The following OPRM1 variants were observed in gnomAD, a reference collection of about 807,000 sequenced individuals.
OPRM1 encodes the protein mu-type opioid receptor.
Under a neutral mutation model 31.8 loss-of-function variants are expected in OPRM1, and 27 were observed. That is an observed-to-expected ratio of 0.85 (90% CI 0.63 to 1.17). The LOEUF (loss-of-function observed/expected upper bound fraction) is 1.17. OPRM1 is among the 50% of genes most tolerant of loss of function. The pLI, the probability that OPRM1 is intolerant of heterozygous loss-of-function variation, is 0.00. For missense variants in OPRM1, 536 were observed against 511.1 expected, an observed-to-expected ratio of 1.05 and a Z score of -0.47; for synonymous variants, 196 against 189.9, an observed-to-expected ratio of 1.03 and a Z score of -0.26.
intron 1 of OPRM1, chr6:154,083,407 A>G (rs2128471334): frequency 6.6e-6 from 1 of 152,372 alleles, no homozygotes; most frequent in South Asian, 2.1e-4. Context: ...ATGGGGATAC[A>G]CAGATTTTCC....
At chr6:154,223,903 A>G (rs1257795701) in intron 3 of OPRM1, among the ~76,000 whole-genome samples, 3 of 152,270 alleles carry the variant, frequency 2.0e-5, no homozygotes, top group African/African-American at 4.8e-5. Flanking sequence ...AAAAGACTGC[A>G]TAAGAAAATT....
At chr6:154,214,950 AG>A (rs1156513048) in intron 3 of OPRM1, among the ~76,000 whole-genome samples, 1 of 152,224 alleles carries the variant, frequency 6.6e-6, no homozygotes, top group Non-Finnish European at 1.5e-5. Flanking sequence ...TTCCTTCTCA[AG>A]GGTTTACTTA....
intron 1 of OPRM1, among the ~76,000 whole-genome samples, chr6:154,074,650 C>T (rs574849979): frequency 4.6e-5 from 7 of 152,172 alleles, no homozygotes; most frequent in African/African-American, 1.7e-4. Context: ...GTCCCAGCTA[C>T]TTGGGAGGCT....
chr6:154,133,411 A>C (rs911421447), downstream of OPRM1, among the ~76,000 whole-genome samples: 2 of 152,266 alleles, frequency 1.3e-5, no homozygotes, highest in African/African-American at 4.8e-5. Context: ...TGAACATGTC[A>C]CAATTTATTC....
chr6:154,059,151 T>C (rs1359720457), intron 1 of OPRM1, among the ~76,000 whole-genome samples: 1 of 152,188 alleles, frequency 6.6e-6, no homozygotes, highest in African/African-American at 2.4e-5. Context: ...AGGCTCTACC[T>C]TGTGGAAATC....
At chr6:154,213,909 C>T (rs1183128758) in intron 3 of OPRM1, among the ~76,000 whole-genome samples, 2 of 152,164 alleles carry the variant, frequency 1.3e-5, no homozygotes, top group Non-Finnish European at 2.9e-5. Context: ...TCATGTCTAT[C>T]AGTAAGAATT....
chr6:154,022,521 G>T (rs938059507), intron 1 of OPRM1, among the ~76,000 whole-genome samples: 1 of 135,948 alleles, frequency 7.4e-6, no homozygotes, highest in Non-Finnish European at 1.5e-5. Context: ...TCAGTTTGTT[G>T]ATTGTTTATT....
In OPRM1 at chr6:154,227,070, C is replaced by T. The variant is rs140261160; in HGVS notation, c.1165-19623C>T. Among the ~76,000 whole-genome samples the T allele has an allele frequency of 6.9e-3, 1,043 of 152,026 alleles. 11 individuals are homozygous for T. The highest frequency in any genetic ancestry group is 0.024 in the Middle Eastern group (7 of 292). On this transcript the variant is annotated intron_variant, in intron 3 of 3. Coordinates refer to the OPRM1 transcript ENST00000337049. The stretch of plus-strand genomic sequence containing the variant: ...AAAATTAGCCAGGTGTGGTGGCGGA[C>T]GCCTGTAATCCCAGCTACTTGGGAG...
intron 3 of OPRM1, among the ~76,000 whole-genome samples, chr6:154,205,524 G>A (rs1777420340): frequency 1.3e-5 from 2 of 152,312 alleles, no homozygotes; most frequent in South Asian, 2.1e-4. Flanking sequence ...GAACCCAGGA[G>A]GCGGAAGTTG....
intron 3 of OPRM1, among the ~76,000 whole-genome samples, chr6:154,152,352 GAAAGAAA>G (rs1798549241): frequency 7.1e-6 from 1 of 140,808 alleles, no homozygotes; most frequent in African/African-American, 2.8e-5. Context: ...AGAAAGGAAA[GAAAGAAA>G]GAAAGAAAGA....
rs2128531444 is a variant in OPRM1, at chr6:154,128,152, A to G, written c.*9431A>G. 6.6e-6 allele frequency among the ~76,000 whole-genome samples: 1 copy of G among 152,320 alleles called. No individual in the cohort carries two copies. Among genetic ancestry groups the G allele is most frequent in the East Asian group, 1.9e-4 (1 of 5,182 alleles). On this transcript the variant is annotated 3_prime_UTR_variant, in exon 4 of 4. Coordinates refer to ENST00000330432, the MANE Select transcript of OPRM1 (RefSeq NM_000914.5). ...TCTCAGGATCCCCTTGCTACCTGTA[A>G]TTCAATCATATAACTTCTGAATGGG...
intron 1 of OPRM1, among the ~76,000 whole-genome samples, chr6:154,019,502 C>G (rs1207595229): frequency 6.6e-6 from 1 of 151,914 alleles, no homozygotes; most frequent in African/African-American, 2.4e-5. Context: ...CATTATAGTA[C>G]CATATAGAAT....
chr6:154,099,043 G>A (rs1342680261), intron 3 of OPRM1, among the ~76,000 whole-genome samples: 33 of 152,104 alleles, frequency 2.2e-4, no homozygotes, highest in Non-Finnish European at 2.9e-5. Flanking sequence ...ATTTTGGGAG[G>A]CCGAGGCCAG....
Position 154,219,985 on chromosome 6 carries a change from A to AGTGTGTGTGTGTGT in OPRM1, c.1165-26677_1165-26664dup, listed in dbSNP as rs57450665. On this transcript the variant is annotated intron_variant, in intron 3 of 3. Coordinates refer to the OPRM1 transcript ENST00000337049. ...CAGAGCTGAGCGGATACCTGTAAGGAGTGTGTGTGTGTGTGTGTGTGTGTG... is the reference window on the plus strand; with the variant it reads ...CAGAGCTGAGCGGATACCTGTAAGGAGTGTGTGTGTGTGTGTGTGTGTGTGTGTGTGTGTGTGTG... 2.2e-3 allele frequency among the ~76,000 whole-genome samples: 304 copies of AGTGTGTGTGTGTGT among 140,136 alleles called. 2 individuals carry two copies. The highest frequency in any genetic ancestry group is 7.2e-3 in the Middle Eastern group (2 of 276). 91.9% of individuals were successfully genotyped at this position (140,136 alleles called of 152,430 possible). A position where few individuals can be genotyped will look rare whatever the true frequency, so the allele number is the denominator to read the frequency against.
chr6:154,052,162 C>T (rs1294088958), intron 1 of OPRM1, among the ~76,000 whole-genome samples: 2 of 151,980 alleles, frequency 1.3e-5, no homozygotes, highest in East Asian at 1.9e-4. Context: ...GAACAGCACA[C>T]ACTGGGCCCT....
At chr6:154,022,922 A>G (rs1047708020) in intron 1 of OPRM1, among the ~76,000 whole-genome samples, 3 of 151,974 alleles carry the variant, frequency 2.0e-5, no homozygotes, top group Non-Finnish European at 2.9e-5. Flanking sequence ...GTCTGTTTTT[A>G]TGCCAGTACC....
At position 154,127,839 on chromosome 6, in the gene OPRM1, A is replaced by C. The variant is rs888098913; in HGVS notation, c.*9118A>C. Among the ~76,000 whole-genome samples the C allele has an allele frequency of 4.6e-5, 7 of 152,184 alleles. No individual in the cohort carries two copies. Among genetic ancestry groups the C allele is most frequent in the African/African-American group, 1.7e-4 (7 of 41,450 alleles). ...CAGGAAAATAACAAAGGCTTCCTGT[A>C]ATTCTCTTTGGCTGTAATACAATTT... On this transcript the variant is annotated 3_prime_UTR_variant, in exon 4 of 4. Coordinates refer to ENST00000330432, the MANE Select transcript of OPRM1 (RefSeq NM_000914.5).
At chr6:154,021,298 T>C (rs1778353172) in intron 1 of OPRM1, among the ~76,000 whole-genome samples, 1 of 152,188 alleles carries the variant, frequency 6.6e-6, no homozygotes, top group Non-Finnish European at 1.5e-5. Flanking sequence ...GTGCTCTCTG[T>C]TCTGTTTCAT....
intron 3 of OPRM1, among the ~76,000 whole-genome samples, chr6:154,098,262 TA>T (rs1793751086): frequency 7.5e-6 from 1 of 132,660 alleles, no homozygotes; most frequent in South Asian, 3.0e-4. Flanking sequence ...TTGGATTAAC[TA>T]AAGTGGTGCA....
Sources: allele counts gnomAD v4.1 joint callset (sites outside exome capture counted in the v4.1 genomes callset), GRCh38; gene constraint gnomAD v4.1.1; transcripts MANE v1.5; gene names NCBI Gene and HGNC (gene_info 2026-07-23, HGNC 2026-07-21).